The following UBASH3B variants were observed in gnomAD, a reference collection of about 807,000 sequenced individuals.
UBASH3B encodes the protein ubiquitin associated and SH3 domain containing B.
UBASH3B carries 37 observed loss-of-function variants against 83.4 expected under a neutral mutation model. The observed-to-expected ratio is 0.44, with a 90% confidence interval of 0.34 to 0.58. The LOEUF (loss-of-function observed/expected upper bound fraction) is 0.58. Ranked by LOEUF, UBASH3B falls within the 20% of genes least tolerant of loss-of-function variation. The probability of loss-of-function intolerance (pLI) is 0.01; values close to 1 mark genes in which losing one functional copy is unlikely to be tolerated. For synonymous variants in UBASH3B, 304 were observed against 318.3 expected (o/e 0.96, Z 0.48); for missense variants, 657 against 827.2 (o/e 0.79, Z 2.52).
At chr11:122,795,222 T>C (rs1400419082) in intron 7 of UBASH3B, among the ~76,000 whole-genome samples, 1 of 152,180 alleles carries the variant, frequency 6.6e-6, no homozygotes, top group Non-Finnish European at 1.5e-5. Flanking sequence ...GTTAACTTTT[T>C]CAAGGAAGGT....
At chr11:122,801,630 C>T (rs140835304) in intron 11 of UBASH3B, among the ~76,000 whole-genome samples, 58 of 152,302 alleles carry the variant, frequency 3.8e-4, no homozygotes, top group African/African-American at 1.3e-3. Flanking sequence ...TAAGCACGAG[C>T]TAATGATGAT....
chr11:122,777,803 C>T (rs750590580), intron 3 of UBASH3B, among the ~76,000 whole-genome samples: 2 of 152,162 alleles, frequency 1.3e-5, no homozygotes, highest in Non-Finnish European at 2.9e-5. Context: ...GATCTCGGCT[C>T]ACTGCAACCT....
chr11:122,788,010 A>G (rs934542298), intron 5 of UBASH3B, among the ~76,000 whole-genome samples: 3 of 152,224 alleles, frequency 2.0e-5, no homozygotes, highest in Non-Finnish European at 4.4e-5. Context: ...TGTTCTCTAC[A>G]GTACCTTCAT....
intron 1 of UBASH3B, among the ~76,000 whole-genome samples, chr11:122,705,793 C>A (rs1007407276): frequency 3.3e-5 from 5 of 152,144 alleles, no homozygotes; most frequent in Non-Finnish European, 7.4e-5. Context: ...AAAATGGCTG[C>A]CAATGGATTT....
intron 1 of UBASH3B, among the ~76,000 whole-genome samples, chr11:122,692,008 G>C (rs1863903528): frequency 6.6e-6 from 1 of 152,158 alleles, no homozygotes; most frequent in African/African-American, 2.4e-5. Flanking sequence ...TGGTAGTTAA[G>C]AACACTGGAG....
At chr11:122,809,635 A>C (rs1223916724) in intron 13 of UBASH3B, 114 bp from the exon 14 acceptor site, 6 of 1,086,272 alleles carry the variant, frequency 5.5e-6, no homozygotes, top group East Asian at 2.5e-5. Flanking sequence ...CAAAGCCACT[A>C]TCCATTTCTG....
intron 12 of UBASH3B, among the ~76,000 whole-genome samples, chr11:122,807,432 G>C (rs1329097415): frequency 6.6e-6 from 1 of 152,116 alleles, no homozygotes; most frequent in African/African-American, 2.4e-5. Flanking sequence ...CCATTTCCTG[G>C]GTTTGATACT....
rs1861470953 is a variant in UBASH3B, at chr11:122,812,656, CT to C, written c.*2771del. ...AATGAAATTAACTAAAGGTTTTAAT[CT>C]GGGATTGAAAGCCTGAAAGCATTTC... On this transcript the variant is annotated 3_prime_UTR_variant, in exon 14 of 14. Transcript: ENST00000284273. 6.6e-6 allele frequency: 1 copy of C among 152,216 alleles called. No individual in the cohort carries two copies. Among genetic ancestry groups the C allele is most frequent in the African/African-American group, 2.4e-5 (1 of 41,460 alleles). 9.4% of individuals were successfully genotyped at this position (152,216 alleles called of 1,614,324 possible).
At chr11:122,665,067 A>G (rs1193204775) in intron 1 of UBASH3B, among the ~76,000 whole-genome samples, 1 of 151,666 alleles carries the variant, frequency 6.6e-6, no homozygotes, top group Non-Finnish European at 1.5e-5. Flanking sequence ...CGCCAATACC[A>G]GCTAATTTTT....
chr11:122,748,551 G>A (rs1363236052), intron 1 of UBASH3B, among the ~76,000 whole-genome samples: 1 of 152,102 alleles, frequency 6.6e-6, no homozygotes, highest in Non-Finnish European at 1.5e-5. Flanking sequence ...CTTTAGGTTG[G>A]GCTAAATAAT....
intron 1 of UBASH3B, among the ~76,000 whole-genome samples, chr11:122,676,431 C>G (rs1863668864): frequency 6.6e-6 from 1 of 152,110 alleles, no homozygotes; most frequent in Non-Finnish European, 1.5e-5. Flanking sequence ...CCCAGTTACT[C>G]AAGAGGCTAA....
At chr11:122,766,477 G>A (rs935030776) in intron 1 of UBASH3B, among the ~76,000 whole-genome samples, 1 of 152,188 alleles carries the variant, frequency 6.6e-6, no homozygotes, top group Admixed American at 6.5e-5. Context: ...CCCGGGAGGC[G>A]GAGCTTGCAG....
chr11:122,806,401 C>T lies in UBASH3B; in HGVS notation c.1596-9C>T. The T allele has an allele frequency of 1.3e-6, 2 of 1,590,646 alleles. No homozygotes were observed. The highest frequency in any genetic ancestry group is 1.2e-5 in the South Asian group (1 of 85,030). On this transcript the variant is annotated splice_polypyrimidine_tract_variant and intron_variant, in intron 11 of 13. Transcript: ENST00000284273. This position sits in a 1 kb window ranked among gnomAD's most constrained non-coding sequence, Gnocchi z 4.0. ...GTTTTCATTTCCTTTGTTCATTTTT[C>T]TATTACAGACCTCACATTCCAATCA...
At chr11:122,766,916 G>A (rs1057179607) in intron 1 of UBASH3B, among the ~76,000 whole-genome samples, 2 of 152,190 alleles carry the variant, frequency 1.3e-5, no homozygotes, top group Non-Finnish European at 2.9e-5. Flanking sequence ...CCCTTCCCCC[G>A]AGTAGTCCTG....
At chr11:122,790,342 C>T (rs73617921) in intron 6 of UBASH3B, among the ~76,000 whole-genome samples, 2,121 of 152,276 alleles carry the variant, frequency 0.014, 46 homozygotes, top group African/African-American at 0.049. Flanking sequence ...ATCCCTCCCC[C>T]TCTCCCTCAC....
At chr11:122,795,410 G>A (rs751821919) in intron 7 of UBASH3B, among the ~76,000 whole-genome samples, 9 of 152,254 alleles carry the variant, frequency 5.9e-5, no homozygotes, top group East Asian at 3.9e-4. Flanking sequence ...TATTAACCAC[G>A]TCAGGGCAAC....
intron 1 of UBASH3B, among the ~76,000 whole-genome samples, chr11:122,687,269 A>G (rs987846509): frequency 6.6e-6 from 1 of 152,250 alleles, no homozygotes; most frequent in Non-Finnish European, 1.5e-5. Context: ...TTTTGATGGC[A>G]TCATGGTAGA....
intron 1 of UBASH3B, among the ~76,000 whole-genome samples, chr11:122,711,086 G>T (rs1845138058): frequency 6.6e-6 from 1 of 152,162 alleles, no homozygotes; most frequent in African/African-American, 2.4e-5. Context: ...ATTCATGGAA[G>T]GAAGCCTGGG....
At chr11:122,688,874 G>A (rs1005698821) in intron 1 of UBASH3B, among the ~76,000 whole-genome samples, 2 of 151,816 alleles carry the variant, frequency 1.3e-5, no homozygotes, top group African/African-American at 4.8e-5. Flanking sequence ...TCGATCTCCT[G>A]ACCTCGTGAT....
Sources: gnomAD v4.1 joint callset for allele counts (sites outside exome capture counted in the v4.1 genomes callset) on GRCh38, gnomAD v4.1.1 for gene constraint, Gnocchi (gnomAD v3.1) non-coding constraint, MANE v1.5 for transcripts, NCBI Gene and HGNC (gene_info 2026-07-23, HGNC 2026-07-21) for gene names.